The following KSR2 variants were observed in gnomAD, a reference collection of about 807,000 sequenced individuals.
The protein encoded by KSR2 is kinase suppressor of ras 2.
KSR2 carries 25 observed loss-of-function variants against 107.8 expected under a neutral mutation model. That is an observed-to-expected ratio of 0.23 (90% CI 0.17 to 0.32). The LOEUF (loss-of-function observed/expected upper bound fraction) is 0.32, where lower values mean the gene tolerates loss of function less well. Ranked by LOEUF, KSR2 falls within the 10% of genes least tolerant of loss-of-function variation. KSR2 has a pLI of 1.00. For synonymous variants in KSR2, 480 were observed against 507.0 expected, an observed-to-expected ratio of 0.95 and a Z score of 0.71; for missense variants, 887 against 1,268.9, an observed-to-expected ratio of 0.70 and a Z score of 4.57.
intron 9 of KSR2, among the ~76,000 whole-genome samples, chr12:117,546,625 A>T (rs1346268521): frequency 6.6e-6 from 1 of 152,148 alleles, no homozygotes; most frequent in Non-Finnish European, 1.5e-5. Context: ...ATTTTTTATT[A>T]TAATCCCCAA....
At chr12:117,591,939 G>A (rs887348113) in intron 5 of KSR2, among the ~76,000 whole-genome samples, 20 of 151,878 alleles carry the variant, frequency 1.3e-4, no homozygotes, top group Non-Finnish European at 2.8e-4. Context: ...AACTCAGGAG[G>A]TGGAGGTTGC....
intron 4 of KSR2, among the ~76,000 whole-genome samples, chr12:117,699,522 T>C (rs1204372181): frequency 6.6e-6 from 1 of 152,238 alleles, no homozygotes; most frequent in African/African-American, 2.4e-5. Flanking sequence ...TACAGCATGT[T>C]ACTGTACTGA....
In KSR2 at chr12:117,467,195, A is replaced by C; in HGVS notation, c.*4T>G. ...CAGCTGGGCGCCGTCCCGATGTCCAAAGGTCACAGCCTGGAGTGGGGAGAG... is the reference window on the plus strand; with the variant it reads ...CAGCTGGGCGCCGTCCCGATGTCCACAGGTCACAGCCTGGAGTGGGGAGAG... On this transcript the variant is annotated 3_prime_UTR_variant, in exon 20 of 20. Transcript: ENST00000339824. 1 of 730,440 alleles carries C rather than the reference A, an allele frequency of 1.4e-6. No homozygotes were observed. Among genetic ancestry groups the C allele is most frequent in the Non-Finnish European group, 2.5e-6 (1 of 396,306 alleles). 45.2% of individuals were successfully genotyped at this position (730,440 alleles called of 1,614,324 possible).
At chr12:117,476,400 A>G in intron 17 of KSR2, 64 bp downstream of exon 17, 1 of 1,483,608 alleles carries the variant, frequency 6.7e-7, no homozygotes, top group Admixed American at 2.3e-5. Context: ...AAGCACTGAA[A>G]GACTTGAGAA....
chr12:117,952,285 T>A (rs1896388977), intron 1 of KSR2, among the ~76,000 whole-genome samples: 1 of 152,072 alleles, frequency 6.6e-6, no homozygotes, highest in Non-Finnish European at 1.5e-5. Context: ...TATCAAATCA[T>A]CATATTGTAC....
chr12:117,794,722 A>C (rs1423391042), intron 3 of KSR2, among the ~76,000 whole-genome samples: 1 of 152,054 alleles, frequency 6.6e-6, no homozygotes, highest in African/African-American at 2.4e-5. Flanking sequence ...CATACACACC[A>C]ATATGCACAC....
intron 4 of KSR2, among the ~76,000 whole-genome samples, chr12:117,734,030 C>T (rs1887835348): frequency 6.6e-6 from 1 of 152,108 alleles, no homozygotes; most frequent in East Asian, 1.9e-4. Context: ...CGCTGGTGCC[C>T]AGCACTTTGG....
At chr12:117,822,877 G>A (rs1035686494) in intron 3 of KSR2, among the ~76,000 whole-genome samples, 4 of 152,130 alleles carry the variant, frequency 2.6e-5, no homozygotes, top group Admixed American at 6.5e-5. Flanking sequence ...GTCAGGGACC[G>A]TCTGTGTGTG....
intron 1 of KSR2, among the ~76,000 whole-genome samples, chr12:117,880,545 G>A (rs1566064750): frequency 1.3e-5 from 2 of 151,872 alleles, no homozygotes; most frequent in Non-Finnish European, 2.9e-5. Flanking sequence ...AAGAAAATGA[G>A]ACAAGTTATG....
intron 1 of KSR2, among the ~76,000 whole-genome samples, chr12:117,961,467 A>G (rs1005994498): frequency 6.6e-6 from 1 of 152,112 alleles, no homozygotes; most frequent in African/African-American, 2.4e-5. Context: ...CATCCTCTAT[A>G]CCCAGGCTGG....
chr12:117,644,998 T>C (rs1255023959), intron 5 of KSR2, among the ~76,000 whole-genome samples: 5 of 152,220 alleles, frequency 3.3e-5, no homozygotes, highest in Non-Finnish European at 5.9e-5. Flanking sequence ...CTCCATGGCT[T>C]CAAGAGTGGA....
In KSR2 at chr12:117,778,331, T is replaced by A. The variant is rs137923351; in HGVS notation, c.473-16807A>T. Among the ~76,000 whole-genome samples the A allele has an allele frequency of 1.9e-3, 296 of 152,250 alleles. 3 individuals carry two copies. Among genetic ancestry groups the A allele is most frequent in the African/African-American group, 6.9e-3 (286 of 41,556 alleles). On this transcript the variant is annotated intron_variant, in intron 3 of 19. Transcript: ENST00000339824. The stretch of plus-strand genomic sequence containing the variant: ...GTCTCAAACTCCTGACCTCAGGTGA[T>A]CTGCCCGCCTCGGCCTCTCATAGTG...
intron 1 of KSR2, among the ~76,000 whole-genome samples, chr12:117,930,727 C>T (rs1196501577): frequency 6.6e-6 from 1 of 152,050 alleles, no homozygotes; most frequent in East Asian, 1.9e-4. Flanking sequence ...ACCAGCCTGG[C>T]CAACAGTGAA....
intron 5 of KSR2, among the ~76,000 whole-genome samples, chr12:117,659,406 T>C (rs987228042): frequency 3.3e-5 from 5 of 152,094 alleles, no homozygotes; most frequent in African/African-American, 1.2e-4. Context: ...TCATGGAACA[T>C]ACACACCCAC....
rs180937794 is a variant in KSR2, at chr12:117,808,266, C to G, written c.473-46742G>C. 1.5e-4 allele frequency among the ~76,000 whole-genome samples: 23 copies of G among 152,220 alleles called. 1 individual carries two copies. Among genetic ancestry groups the G allele is most frequent in the Admixed American group, 7.8e-4 (12 of 15,290 alleles). ...CCAAAGCAGAACCACAGACGCAGAG[C>G]CCAGAAATCAGTGTTTTTGCAAAGC... On this transcript the variant is annotated intron_variant, in intron 3 of 19. Coordinates refer to ENST00000339824, the MANE Select transcript of KSR2 (RefSeq NM_173598.6).
chr12:117,932,928 G>A (rs1479974647), intron 1 of KSR2, among the ~76,000 whole-genome samples: 14 of 151,938 alleles, frequency 9.2e-5, no homozygotes, highest in African/African-American at 2.7e-4. Context: ...CAGGAGAATC[G>A]CTTGAACCTG....
chr12:117,465,709 T>C lies in KSR2; in HGVS notation c.*1490A>G, dbSNP rs1254439618. ...TACAAGAAAACTAAGGCCCAGGTAG[T>C]ACCCAGGAAACACAGAGGGGCTGTG... On this transcript the variant is annotated 3_prime_UTR_variant, in exon 20 of 20. Coordinates refer to ENST00000339824, the MANE Select transcript of KSR2 (RefSeq NM_173598.6). 1.4e-5 allele frequency: 2 copies of C among 142,950 alleles called. No homozygotes were observed. The highest frequency in any genetic ancestry group is 4.9e-5 in the African/African-American group (2 of 40,664). The allele number at this position is 142,950 out of a possible 1,614,324, so 8.9% of individuals were successfully genotyped here.
chr12:117,724,578 GC>G (rs751882143), intron 4 of KSR2, among the ~76,000 whole-genome samples: 1 of 57,366 alleles, frequency 1.7e-5, no homozygotes, highest in Non-Finnish European at 3.9e-5. Flanking sequence ...AAAAAAACCT[GC>G]CCCCCCACCC....
chr12:117,748,843 G>A (rs1888508555), intron 4 of KSR2, among the ~76,000 whole-genome samples: 1 of 152,016 alleles, frequency 6.6e-6, no homozygotes, highest in Non-Finnish European at 1.5e-5. Flanking sequence ...TATTTGAGAG[G>A]TGATCCTAGC....
Sources: allele counts gnomAD v4.1 joint callset (sites outside exome capture counted in the v4.1 genomes callset), GRCh38; gene constraint gnomAD v4.1.1; transcripts MANE v1.5; gene names NCBI Gene and HGNC (gene_info 2026-07-23, HGNC 2026-07-21).